The following PTCSC3 variants were observed in gnomAD, a reference collection of about 807,000 sequenced individuals.
PTCSC3 encodes papillary thyroid carcinoma susceptibility candidate 3.
Position 36,161,047 on chromosome 14 carries a change from G to A in PTCSC3, n.231+1577C>T, listed in dbSNP as rs189754761. Among the ~76,000 whole-genome samples, 412 of 152,002 alleles carry A rather than the reference G, an allele frequency of 2.7e-3. 4 individuals are homozygous for A. The highest frequency in any genetic ancestry group is 0.023 in the South Asian group (109 of 4,812). ...CTTGTGTATGCTTCATGAAGTTCTC[G>A]TGCTGTGTTTTTCAGCTCCATCATG... On this transcript the variant is annotated intron_variant and non_coding_transcript_variant, in intron 2 of 3. Coordinates refer to ENST00000556013, the Ensembl canonical transcript of PTCSC3.
At chr14:36,161,549 G>A (rs1449355456) in intron 2 of PTCSC3, among the ~76,000 whole-genome samples, 2 of 152,140 alleles carry the variant, frequency 1.3e-5, no homozygotes, top group Admixed American at 1.3e-4. Flanking sequence ...ATCTCCAGTA[G>A]AGGCTACAGA....
At chr14:36,150,683 A>T (rs1881701150) in intron 3 of PTCSC3, among the ~76,000 whole-genome samples, 1 of 152,142 alleles carries the variant, frequency 6.6e-6, no homozygotes, top group Non-Finnish European at 1.5e-5. Context: ...CTTTCTTAGA[A>T]ATCGATTAAA....
At chr14:36,172,162 G>A (rs1407839050) in intron 1 of PTCSC3, among the ~76,000 whole-genome samples, 1 of 152,096 alleles carries the variant, frequency 6.6e-6, no homozygotes, top group Non-Finnish European at 1.5e-5. Flanking sequence ...ATCTGAATTT[G>A]TGTTTTAGTG....
chr14:36,158,618 G>A (rs1025389505), intron 2 of PTCSC3, among the ~76,000 whole-genome samples: 12 of 152,142 alleles, frequency 7.9e-5, no homozygotes, highest in African/African-American at 2.2e-4. Context: ...TGATCATGGT[G>A]GAAAAGCTTT....
intron 3 of PTCSC3, among the ~76,000 whole-genome samples, chr14:36,138,318 G>A (rs1343890382): frequency 6.6e-6 from 1 of 152,106 alleles, no homozygotes; most frequent in South Asian, 2.1e-4. Flanking sequence ...AAGATTTCTT[G>A]GAACACAAAG....
intron 1 of PTCSC3, chr14:36,164,084 C>G (rs181233647): frequency 2.1e-4 from 32 of 152,280 alleles, no homozygotes; most frequent in Admixed American, 1.4e-3. Context: ...TCATGTATAA[C>G]ACAATCAAAT....
At chr14:36,160,578 CT>C in intron 2 of PTCSC3, among the ~76,000 whole-genome samples, 1 of 152,220 alleles carries the variant, frequency 6.6e-6, no homozygotes, top group East Asian at 1.9e-4. Context: ...TGTAGGGTTT[CT>C]GCCAAGACAT....
chr14:36,164,605 A>G (rs1882047007), intron 1 of PTCSC3, among the ~76,000 whole-genome samples: 1 of 152,188 alleles, frequency 6.6e-6, no homozygotes, highest in Non-Finnish European at 1.5e-5. Flanking sequence ...TTTTTATAAA[A>G]CAACTATCCG....
chr14:36,144,135 A>G (rs1174715771), intron 3 of PTCSC3, among the ~76,000 whole-genome samples: 4 of 151,558 alleles, frequency 2.6e-5, no homozygotes, highest in Admixed American at 6.6e-5. Context: ...TTGGCTTGGT[A>G]ATGCGGGCTC....
chr14:36,158,450 G>A (rs1057273342), intron 2 of PTCSC3, among the ~76,000 whole-genome samples: 1 of 152,160 alleles, frequency 6.6e-6, no homozygotes, highest in Non-Finnish European at 1.5e-5. Context: ...TTCATTGAGA[G>A]TTTTTAGCAT....
intron 3 of PTCSC3, chr14:36,153,769 TAATAAA>T (rs1169030346): frequency 6.6e-6 from 1 of 152,124 alleles, no homozygotes; most frequent in Admixed American, 6.5e-5. Context: ...GAATATTACA[TAATAAA>T]AATAAACAAG....
In PTCSC3 at chr14:36,174,204, A is replaced by G. The variant is rs1169479506; in HGVS notation, n.171+2094T>C. Among the ~76,000 whole-genome samples the G allele has an allele frequency of 4.0e-5, 6 of 151,750 alleles. No individual in the cohort carries two copies. The South Asian group carries it at 1.0e-3, about 26-fold the overall frequency. ...CCTCAAATTATTTTCTTCTACTAGG[A>G]CTCAATTACCTGTAAGCTAGGCTGC... On this transcript the variant is annotated intron_variant and non_coding_transcript_variant, in intron 1 of 3. Coordinates refer to ENST00000556013, the Ensembl canonical transcript of PTCSC3.
rs138481622 is a variant in PTCSC3 at position 36,152,791 on chromosome 14, G to A, written n.322+1013C>T. Among the ~76,000 whole-genome samples the A allele has an allele frequency of 1.3e-3, 191 of 152,034 alleles. 1 individual carries two copies. The highest frequency in any genetic ancestry group is 4.4e-3 in the African/African-American group (183 of 41,480). ...CACCTGTAATCCCAGCTACTTGGGA[G>A]GCTGAGGCAGGAGAATTGCTTGAAC... On this transcript the variant is annotated intron_variant and non_coding_transcript_variant, in intron 3 of 3. Transcript: ENST00000556013.
chr14:36,135,838 TAGTC>T (rs1482290684), downstream of PTCSC3, among the ~76,000 whole-genome samples: 3 of 151,992 alleles, frequency 2.0e-5, no homozygotes, highest in South Asian at 2.1e-4. Context: ...GTAGTTGTAT[TAGTC>T]AGGGTTCTCT....
chr14:36,160,698 T>C (rs1881935932), intron 2 of PTCSC3, among the ~76,000 whole-genome samples: 1 of 152,112 alleles, frequency 6.6e-6, no homozygotes, highest in Non-Finnish European at 1.5e-5. Flanking sequence ...CAATTATATG[T>C]CTTGGGGGTT....
At chr14:36,159,552 TG>T (rs1368790854) in intron 2 of PTCSC3, among the ~76,000 whole-genome samples, 1 of 152,104 alleles carries the variant, frequency 6.6e-6, no homozygotes, top group African/African-American at 2.4e-5. Flanking sequence ...TGTAGTTGTG[TG>T]GTTTTGAGTT....
chr14:36,158,843 T>G (rs192464767), intron 2 of PTCSC3, among the ~76,000 whole-genome samples: 1 of 152,314 alleles, frequency 6.6e-6, no homozygotes, highest in Non-Finnish European at 1.5e-5. Flanking sequence ...AGCACCTCCT[T>G]GTTCCTCTGG....
At chr14:36,148,187 C>T (rs1881631553) in intron 3 of PTCSC3, among the ~76,000 whole-genome samples, 1 of 151,992 alleles carries the variant, frequency 6.6e-6, no homozygotes, top group Non-Finnish European at 1.5e-5. Context: ...GTGGTGGGCT[C>T]CACCCAGTTT....
At chr14:36,164,875 T>C (rs73256187) in intron 1 of PTCSC3, among the ~76,000 whole-genome samples, 13,338 of 152,278 alleles carry the variant, frequency 0.088, 698 homozygotes, top group Middle Eastern at 0.18. Flanking sequence ...AACAATGTAA[T>C]ATATCTTTGT....
Sources: allele counts gnomAD v4.1 joint callset (sites outside exome capture counted in the v4.1 genomes callset), GRCh38; gene constraint gnomAD v4.1.1; transcripts MANE v1.5; gene names NCBI Gene and HGNC (gene_info 2026-07-23, HGNC 2026-07-21).